COL4A4: variants seen among roughly 807,000 people sequenced by gnomAD.
The protein encoded by COL4A4 is collagen alpha-4(IV) chain.
Under a neutral mutation model 192.9 loss-of-function variants are expected in COL4A4, and 105 were observed. The ratio of observed to expected loss-of-function variants is 0.54; its 90% CI spans 0.46 to 0.64. The LOEUF (loss-of-function observed/expected upper bound fraction) is 0.64. COL4A4 is among the 30% of genes least tolerant of loss of function. The pLI, the probability that COL4A4 is intolerant of heterozygous loss-of-function variation, is 0.00. For synonymous variants in COL4A4, 762 were observed against 769.9 expected (o/e 0.99, Z 0.17); for missense variants, 1,967 against 2,169.3 (o/e 0.91, Z 1.85).
chr2:227,041,868 A>AAG (rs1559478803), intron 37 of COL4A4, among the ~76,000 whole-genome samples: 2 of 120,714 alleles, frequency 1.7e-5, no homozygotes, highest in East Asian at 2.3e-4. Context: ...GAAAGAAAGA[A>AAG]AGAAAGAAAG....
chr2:226,988,422 T>G, the COL4A4 span: 1 of 1,550,472 alleles, frequency 6.4e-7, no homozygotes, highest in African/African-American at 1.4e-5. Flanking sequence ...CTGGGAAGCC[T>G]GAAGCAGGCC....
chr2:226,985,076 G>C, the COL4A4 span, among the ~76,000 whole-genome samples: 1 of 152,126 alleles, frequency 6.6e-6, no homozygotes, highest in Non-Finnish European at 1.5e-5. Flanking sequence ...ATCCAGGATT[G>C]ATTGTCTTAT....
chr2:227,067,398 A>G (rs1307712629), intron 25 of COL4A4, among the ~76,000 whole-genome samples: 1 of 152,206 alleles, frequency 6.6e-6, no homozygotes, highest in Non-Finnish European at 1.5e-5. Context: ...CTCCACCCCA[A>G]ATCAACAGAA....
the COL4A4 span, chr2:226,995,336 C>A: frequency 1.3e-6 from 1 of 743,316 alleles, no homozygotes; most frequent in Non-Finnish European, 2.4e-6. Flanking sequence ...ATGAAGATGA[C>A]ACCCAAGCTA....
intron 25 of COL4A4, among the ~76,000 whole-genome samples, chr2:227,066,015 T>C (rs988172265): frequency 5.3e-5 from 8 of 151,998 alleles, no homozygotes; most frequent in African/African-American, 9.7e-5. Flanking sequence ...ATAACCAATA[T>C]AGAGAAGTGC....
Position 227,054,605 on chromosome 2 carries a change from C to A in COL4A4, c.2849G>T (p.Arg950Ile). 1 of 1,614,184 alleles carries A rather than the reference C, an allele frequency of 6.2e-7. No homozygotes were observed. Among genetic ancestry groups the A allele is most frequent in the Non-Finnish European group, 8.5e-7 (1 of 1,180,014 alleles). The change falls in exon 31 of 48, where the codon AGA becomes ATA. Residue 950 changes from arginine (R) to isoleucine (I), a missense_variant. Physicochemically the swap from Arg to Ile is moderately conservative, Grantham distance 97. Coordinates refer to ENST00000396625, the MANE Select transcript of COL4A4 (RefSeq NM_000092.5). ...MSGLPGDRGLRGAKGAIGPPG... is the reference protein window; with the variant it reads ...MSGLPGDRGLIGAKGAIGPPG... ...TGTATTTTATTTACCTTTGGCCCCT[C>A]TCAGTCCCCGGTCTCCAGGAAGGCC...
Position 227,041,855 on chromosome 2 carries a change from A to AG in COL4A4, c.3505+292_3505+293insC, listed in dbSNP as rs1491499384. 2.3e-3 allele frequency among the ~76,000 whole-genome samples: 252 copies of AG among 110,396 alleles called. 5 individuals are homozygous for AG. Among genetic ancestry groups the AG allele is most frequent in the African/African-American group, 2.7e-3 (70 of 26,184 alleles). 72.4% of individuals were successfully genotyped at this position (110,396 alleles called of 152,430 possible). On this transcript the variant is annotated intron_variant, in intron 37 of 47. Coordinates refer to ENST00000396625, the MANE Select transcript of COL4A4 (RefSeq NM_000092.5). ...AAGAAAGAAAGAAAGAAAGAGAAAGAAAGAAAGAAAGAAAGAAAGAAAGAA... is the reference window on the plus strand; with the variant it reads ...AAGAAAGAAAGAAAGAAAGAGAAAGAGAAGAAAGAAAGAAAGAAAGAAAGAA...
chr2:226,992,618 A>G, the COL4A4 span, among the ~76,000 whole-genome samples: 1 of 152,188 alleles, frequency 6.6e-6, no homozygotes, highest in Non-Finnish European at 1.5e-5. Flanking sequence ...TACGTCTTTG[A>G]TATCAGCAGA....
chr2:226,987,457 G>A, the COL4A4 span, among the ~76,000 whole-genome samples: 2 of 152,220 alleles, frequency 1.3e-5, no homozygotes, highest in Non-Finnish European at 2.9e-5. Context: ...GTCATGAGCA[G>A]CTAGCTGGTA....
Position 227,099,648 on chromosome 2 carries a change from A to G in COL4A4, c.1071T>C (p.Val357=), listed in dbSNP as rs1156813381. The G allele has an allele frequency of 6.2e-7, 1 of 1,613,992 alleles. No individual in the cohort carries two copies. Among genetic ancestry groups the G allele is most frequent in the African/African-American group, 1.3e-5 (1 of 74,902 alleles). The change falls in exon 18 of 48, where the codon GTT becomes GTC. Residue 357 remains valine, a synonymous_variant. Transcript: ENST00000396625. The stretch of plus-strand genomic sequence containing the variant: ...TGAGTGGAAGAGGTGGAGTCACCAA[A>G]ACACCTGGTGGTCCTGGGTGCCCTC... ...GNRGHPGPPG[V]LVTPPLPLKG...
intron 44 of COL4A4, among the ~76,000 whole-genome samples, chr2:227,013,587 G>A (rs116783862): frequency 0.022 from 3,404 of 152,252 alleles, 125 homozygotes; most frequent in African/African-American, 0.077. Context: ...CGCAAGCCAC[G>A]GAGGGAGGCC....
chr2:227,010,249 T>A (rs1963347078), intron 46 of COL4A4, 64 bp downstream of exon 46: 1 of 1,519,022 alleles, frequency 6.6e-7, no homozygotes, highest in Non-Finnish European at 9.1e-7. Context: ...TGCTGATGAA[T>A]CAGTAAAATT....
intron 24 of COL4A4, among the ~76,000 whole-genome samples, chr2:227,078,706 A>G (rs1376765008): frequency 2.0e-5 from 3 of 152,200 alleles, no homozygotes; most frequent in Non-Finnish European, 4.4e-5. Flanking sequence ...AGATCAAGGG[A>G]GGTGGTGGGA....
At chr2:227,045,798 A>G (rs1972385514) in intron 35 of COL4A4, among the ~76,000 whole-genome samples, 2 of 57,274 alleles carry the variant, frequency 3.5e-5, no homozygotes, top group Non-Finnish European at 6.1e-5. Flanking sequence ...ATATATATAT[A>G]CACATATATA....
chr2:227,020,880 C>CTTTTTTCT (rs1553619615), intron 44 of COL4A4, among the ~76,000 whole-genome samples: 1 of 127,598 alleles, frequency 7.8e-6, no homozygotes, highest in Non-Finnish European at 1.6e-5. Context: ...ACACTTTTTT[C>CTTTTTTCT]TTTTTTTTTT....
chr2:227,140,478 C>T (rs989850459), intron 3 of COL4A4, among the ~76,000 whole-genome samples: 4 of 152,174 alleles, frequency 2.6e-5, no homozygotes, highest in South Asian at 2.1e-4. Flanking sequence ...CTTCTAAAGT[C>T]GTTTGGCTTT....
At chr2:227,009,549 T>C (rs1963068199) in intron 46 of COL4A4, among the ~76,000 whole-genome samples, 1 of 151,820 alleles carries the variant, frequency 6.6e-6, no homozygotes, top group South Asian at 2.1e-4. Flanking sequence ...AATACAAAAA[T>C]TATCCAGGCA....
At chr2:227,068,982 C>T (rs2058534466) in intron 25 of COL4A4, among the ~76,000 whole-genome samples, 3 of 149,144 alleles carry the variant, frequency 2.0e-5, no homozygotes, top group African/African-American at 7.5e-5. Context: ...TGTCTCAGCC[C>T]AAAATCTCCT....
intron 8 of COL4A4, 31 bp from the exon 9 acceptor site, chr2:227,111,744 CCACA>C (rs1559652739): frequency 6.2e-7 from 1 of 1,607,474 alleles, no homozygotes; most frequent in South Asian, 1.1e-5. Flanking sequence ...TGCTTTAAGT[CCACA>C]CAATGTTCCT....
Sources: gnomAD v4.1 joint callset for allele counts (sites outside exome capture counted in the v4.1 genomes callset) on GRCh38, gnomAD v4.1.1 for gene constraint, MANE v1.5 for transcripts, NCBI Gene and HGNC (gene_info 2026-07-23, HGNC 2026-07-21) for gene names.